The following ARSG variants were observed in gnomAD, a reference collection of about 807,000 sequenced individuals.
The protein encoded by ARSG is ASG.
Under a neutral mutation model 50.5 loss-of-function variants are expected in ARSG, and 37 were observed. The ratio of observed to expected loss-of-function variants is 0.73; its 90% CI spans 0.56 to 0.96. The LOEUF is 0.96. Among genes scored for constraint, ARSG ranks in the 50% least tolerant of loss-of-function variants. ARSG has a pLI of 0.00. For synonymous variants in ARSG, 225 were observed against 254.6 expected, an observed-to-expected ratio of 0.88 and a Z score of 1.11; for missense variants, 629 against 675.3, an observed-to-expected ratio of 0.93 and a Z score of 0.76.
chr17:68,342,734 C>A (rs755673172), intron 2 of ARSG, among the ~76,000 whole-genome samples: 2 of 152,152 alleles, frequency 1.3e-5, no homozygotes, highest in Non-Finnish European at 2.9e-5. Flanking sequence ...CACTTAGGCA[C>A]TACATCTGGG....
chr17:68,435,560 G>A, the ARSG span: 4 of 1,532,330 alleles, frequency 2.6e-6, no homozygotes, highest in Non-Finnish European at 3.6e-6. Flanking sequence ...TCCCATCCCT[G>A]CGCACGGCAG....
At chr17:68,303,025 A>G (rs1306409190) in intron 1 of ARSG, among the ~76,000 whole-genome samples, 1 of 152,188 alleles carries the variant, frequency 6.6e-6, no homozygotes, top group Non-Finnish European at 1.5e-5. Context: ...GCAAAATAAC[A>G]TCAGATAAGA....
At position 68,281,784 on chromosome 17, in the gene ARSG, G is replaced by A. The variant is rs145285146; in HGVS notation, c.-552+22358G>A. ...AAATAACAAATGCTGGCAAGGATGCGGAGAAAAGAACTCTTATACACTGTC... is the reference window on the plus strand; with the variant it reads ...AAATAACAAATGCTGGCAAGGATGCAGAGAAAAGAACTCTTATACACTGTC... On this transcript the variant is annotated intron_variant, in intron 1 of 11. Coordinates refer to the ARSG transcript ENST00000448504. Among the ~76,000 whole-genome samples, 272 of 152,174 alleles carry A rather than the reference G, an allele frequency of 1.8e-3. 2 individuals are homozygous for A. Among genetic ancestry groups the A allele is most frequent in the Middle Eastern group, 3.4e-3 (1 of 294 alleles).
At position 68,395,191 on chromosome 17, in the gene ARSG, AG is replaced by A; in HGVS notation, c.1212+1del. On this transcript the variant is annotated frameshift_variant and splice_region_variant, in exon 10 of 12. Transcript: ENST00000621439. LOFTEE classifies it high-confidence loss of function. ...VLFGRSQPGH[R>X]VLFHPNSGAA... The stretch of plus-strand genomic sequence containing the variant: ...CTTTGGCCGGTCACAGCCTGGGCAC[AG>A]GGTAAGTGGAGGAGGTACTTGCCCA... 1 of 1,613,884 alleles carries A rather than the reference AG, an allele frequency of 6.2e-7. No homozygotes were observed. The highest frequency in any genetic ancestry group is 8.5e-7 in the Non-Finnish European group (1 of 1,179,812).
At chr17:68,434,762 C>A in the ARSG span, 2 of 810,362 alleles carry the variant, frequency 2.5e-6, no homozygotes, top group Non-Finnish European at 3.9e-6. Flanking sequence ...AGCATAGAGG[C>A]ATGTTTATTT....
chr17:68,321,791 C>G (rs1427516567), intron 2 of ARSG, among the ~76,000 whole-genome samples: 1 of 152,144 alleles, frequency 6.6e-6, no homozygotes, highest in African/African-American at 2.4e-5. Flanking sequence ...ATGTCTGGCT[C>G]TGTATTTCCA....
the ARSG span, among the ~76,000 whole-genome samples, chr17:68,447,227 C>T: frequency 6.6e-6 from 1 of 152,178 alleles, no homozygotes; most frequent in Non-Finnish European, 1.5e-5. Context: ...TGGGAGGAGA[C>T]TGCAAAAGAA....
downstream of ARSG, chr17:68,427,019 G>A (rs1466181029): frequency 1.2e-6 from 1 of 823,634 alleles, no homozygotes; most frequent in Non-Finnish European, 2.0e-6. Flanking sequence ...GGGAAGGGGA[G>A]GGAGGGCACT....
At chr17:68,272,845 A>G in intron 1 of ARSG, 1 of 1,574,302 alleles carries the variant, frequency 6.4e-7, no homozygotes, top group Non-Finnish European at 8.6e-7. Flanking sequence ...AAGATCTGGG[A>G]TTTTTGGTTT....
chr17:68,264,265 T>C (rs1445516111), intron 1 of ARSG, among the ~76,000 whole-genome samples: 2 of 152,228 alleles, frequency 1.3e-5, no homozygotes, highest in Non-Finnish European at 2.9e-5. Flanking sequence ...ACAAGAATGC[T>C]GACATAGAAT....
In ARSG at chr17:68,368,738, T is replaced by G. The variant is rs2146706077; in HGVS notation, c.895T>G (p.Phe299Val). Reference sequence around the variant, plus strand: ...AGTGAAGGAAAACACATTCCTCTGGTTTACAGGTAAAGTAGTAAAAGCCAG... The same window carrying G: ...AGTGAAGGAAAACACATTCCTCTGGGTTACAGGTAAAGTAGTAAAAGCCAG... ...HTVKENTFLW[F>V]TGDNGPWAQK... The change falls in exon 7 of 12, where the codon TTT (phenylalanine) becomes GTT (valine). Residue 299 changes from phenylalanine (F) to valine (V), a missense_variant. By Grantham distance (50) the Phe-to-Val change is conservative. Transcript: ENST00000621439. 6.2e-7 allele frequency: 1 copy of G among 1,612,878 alleles called. No individual in the cohort carries two copies. Among genetic ancestry groups the G allele is most frequent in the Non-Finnish European group, 8.5e-7 (1 of 1,179,668 alleles).
chr17:68,380,613 G>T (rs12452883), intron 8 of ARSG, among the ~76,000 whole-genome samples: 1 of 151,998 alleles, frequency 6.6e-6, no homozygotes, highest in Admixed American at 6.6e-5. Context: ...TCATTTTATT[G>T]TAAGTCTACA....
the ARSG span, among the ~76,000 whole-genome samples, chr17:68,438,452 C>G: frequency 6.6e-6 from 1 of 152,214 alleles, no homozygotes; most frequent in Non-Finnish European, 1.5e-5. Context: ...GTCAGGAGAT[C>G]TGGTTGTCTT....
intron 6 of ARSG, among the ~76,000 whole-genome samples, chr17:68,364,002 C>T (rs1309328905): frequency 6.6e-6 from 1 of 152,136 alleles, no homozygotes; most frequent in African/African-American, 2.4e-5. Context: ...TGAGGGAAGC[C>T]CTGCCTTCAC....
At chr17:68,311,128 C>T (rs1398713778) in intron 2 of ARSG, among the ~76,000 whole-genome samples, 13 of 152,206 alleles carry the variant, frequency 8.5e-5, no homozygotes, top group Admixed American at 5.9e-4. Context: ...TGCACTCCAG[C>T]CCGGGCAACA....
At chr17:68,392,626 A>G (rs1218168847) in intron 9 of ARSG, among the ~76,000 whole-genome samples, 2 of 152,142 alleles carry the variant, frequency 1.3e-5, no homozygotes, top group Admixed American at 6.5e-5. Context: ...CAGCCTCCCA[A>G]GTAGCTGGGA....
intron 2 of ARSG, among the ~76,000 whole-genome samples, chr17:68,331,237 C>CTTTTTCTTTG (rs748527164): frequency 1.4e-5 from 1 of 72,792 alleles, no homozygotes; most frequent in African/African-American, 5.2e-5. Context: ...TTCTTTGTTT[C>CTTTTTCTTTG]TTTCTTTCTT....
rs942748266 is a variant in ARSG at position 68,378,162 on chromosome 17, T to C, written c.983-6902T>C. On this transcript the variant is annotated intron_variant, in intron 8 of 11. Coordinates refer to ENST00000621439, the MANE Select transcript of ARSG (RefSeq NM_001267727.2). This position sits in a 1 kb window ranked among gnomAD's most constrained non-coding sequence, Gnocchi z 4.4. ...TGGGGTCCCTCTGGTCACCTGCTCCTCTTCACCCAGTTCCCCATCAGTGGG... is the reference window on the plus strand; with the variant it reads ...TGGGGTCCCTCTGGTCACCTGCTCCCCTTCACCCAGTTCCCCATCAGTGGG... Among the ~76,000 whole-genome samples, 3 of 152,180 alleles carry C rather than the reference T, an allele frequency of 2.0e-5. No homozygotes were observed. The highest frequency in any genetic ancestry group is 7.2e-5 in the African/African-American group (3 of 41,460).
intron 1 of ARSG, among the ~76,000 whole-genome samples, chr17:68,286,052 C>T (rs2075835222): frequency 6.6e-6 from 1 of 152,164 alleles, no homozygotes; most frequent in African/African-American, 2.4e-5. Flanking sequence ...AGCCACCGCG[C>T]CTGGCATAAT....
Sources: gnomAD v4.1 joint callset for allele counts (sites outside exome capture counted in the v4.1 genomes callset) on GRCh38, gnomAD v4.1.1 for gene constraint, Gnocchi (gnomAD v3.1) non-coding constraint, MANE v1.5 for transcripts, NCBI Gene and HGNC (gene_info 2026-07-23, HGNC 2026-07-21) for gene names.